The following NRXN1 variants were observed in gnomAD, a reference collection of about 807,000 sequenced individuals.
NRXN1 encodes the protein neurexin-1.
In NRXN1, 39 loss-of-function variants were observed where a neutral mutation model predicts 150.9. The ratio of observed to expected loss-of-function variants is 0.26; its 90% confidence interval spans 0.20 to 0.34. The LOEUF (loss-of-function observed/expected upper bound fraction) is 0.34. Ranked by LOEUF, NRXN1 falls within the 10% of genes least tolerant of loss-of-function variation. The pLI, the probability that NRXN1 is intolerant of heterozygous loss-of-function variation, is 1.00. For missense variants in NRXN1, 1,815 were observed against 1,949.9 expected, an observed-to-expected ratio of 0.93 and a Z score of 1.30; for synonymous variants, 924 against 757.0, an observed-to-expected ratio of 1.22 and a Z score of -3.62.
rs543545401 is a variant in NRXN1, at chr2:50,862,251, G to C, written c.832+59618C>G. ...GCTAGTATAGTAGGAATCAGTTGCA[G>C]AGTCAGGGAAGCTAAGCTTTGCAAG... On this transcript the variant is annotated intron_variant, in intron 5 of 22. Coordinates refer to ENST00000401669, the MANE Select transcript of NRXN1 (RefSeq NM_001330078.2). 2.6e-4 allele frequency among the ~76,000 whole-genome samples: 39 copies of C among 151,580 alleles called. No homozygotes were observed. The South Asian group carries it at 4.4e-3, about 17-fold the overall frequency.
chr2:50,442,495 GAGA>G (rs1410408397), intron 17 of NRXN1, among the ~76,000 whole-genome samples: 1 of 152,094 alleles, frequency 6.6e-6, no homozygotes, highest in Admixed American at 6.6e-5. Context: ...TCTAAAAAGG[GAGA>G]AGATGAAGGA....
At chr2:50,345,660 T>C (rs188996233) in intron 17 of NRXN1, among the ~76,000 whole-genome samples, 4 of 152,318 alleles carry the variant, frequency 2.6e-5, no homozygotes, top group Admixed American at 2.0e-4. Flanking sequence ...ATCTGAAAAT[T>C]AGAGGAATCT....
At chr2:50,681,786 G>T (rs1465750716) in intron 5 of NRXN1, among the ~76,000 whole-genome samples, 1 of 152,158 alleles carries the variant, frequency 6.6e-6, no homozygotes, top group East Asian at 1.9e-4. Context: ...AAAGCAAGTG[G>T]TTTGATGTTA....
chr2:50,272,303 G>A (rs1346961464), intron 17 of NRXN1, among the ~76,000 whole-genome samples: 1 of 152,184 alleles, frequency 6.6e-6, no homozygotes, highest in Non-Finnish European at 1.5e-5. Context: ...TCTGCAAGTG[G>A]AGACAGCCAC....
At chr2:50,999,822 A>G (rs1184271317) in intron 2 of NRXN1, among the ~76,000 whole-genome samples, 2 of 151,858 alleles carry the variant, frequency 1.3e-5, no homozygotes, top group Non-Finnish European at 2.9e-5. Flanking sequence ...CAGTTTTCCC[A>G]TTTCCTCCAC....
intron 8 of NRXN1, among the ~76,000 whole-genome samples, chr2:50,570,414 GAATT>G (rs1670494999): frequency 2.6e-5 from 4 of 152,130 alleles, no homozygotes; most frequent in Admixed American, 2.6e-4. Context: ...ATCTCATTTA[GAATT>G]AATTTCTTAT....
At chr2:50,283,199 C>T (rs545975888) in intron 17 of NRXN1, among the ~76,000 whole-genome samples, 17 of 152,154 alleles carry the variant, frequency 1.1e-4, no homozygotes, top group African/African-American at 3.6e-4. Context: ...TTCTGTAAAC[C>T]TTAGAAGTAT....
chr2:50,218,490 C>CTTTT (rs34919769), intron 18 of NRXN1, among the ~76,000 whole-genome samples: 1 of 136,758 alleles, frequency 7.3e-6, no homozygotes. Flanking sequence ...TTAGCACCTT[C>CTTTT]TTTTTTTTTT....
intron 5 of NRXN1, among the ~76,000 whole-genome samples, chr2:50,669,250 T>C (rs1688496444): frequency 6.6e-6 from 1 of 151,920 alleles, no homozygotes; most frequent in Non-Finnish European, 1.5e-5. Flanking sequence ...GAGCTCAGTT[T>C]ATTAAGTGAG....
intron 2 of NRXN1, among the ~76,000 whole-genome samples, chr2:50,981,779 T>C (rs1487039585): frequency 6.6e-6 from 1 of 151,934 alleles, no homozygotes; most frequent in Non-Finnish European, 1.5e-5. Flanking sequence ...GTGACAGGCA[T>C]TTTTGTAAGC....
chr2:50,112,386 A>T (rs1312041638), intron 18 of NRXN1, among the ~76,000 whole-genome samples: 1 of 152,198 alleles, frequency 6.6e-6, no homozygotes, highest in African/African-American at 2.4e-5. Context: ...CTGTCATTAC[A>T]CCATCTTACT....
Position 50,232,368 on chromosome 2 carries a change from TTTTTCTTTC to T in NRXN1, c.3546+4412_3546+4420del, listed in dbSNP as rs1273178300. 1.5e-3 allele frequency among the ~76,000 whole-genome samples: 220 copies of T among 148,356 alleles called. 1 individual carries two copies. The highest frequency in any genetic ancestry group is 5.3e-3 in the African/African-American group (212 of 39,932). On this transcript the variant is annotated intron_variant, in intron 18 of 22. Transcript: ENST00000401669. Reference sequence around the variant, plus strand: ...GATGAAAAGTCACATTACTGTATTATTTTTCTTTCTTTTCTTTTCTTTTTTTTTTTTTTT... The same window carrying T: ...GATGAAAAGTCACATTACTGTATTATTTTTCTTTTCTTTTTTTTTTTTTTT...
intron 5 of NRXN1, among the ~76,000 whole-genome samples, chr2:50,710,202 C>T (rs1030509128): frequency 4.6e-5 from 7 of 152,260 alleles, no homozygotes; most frequent in Admixed American, 2.0e-4. Context: ...GTCGACCACA[C>T]GCCAGGAAAG....
intron 5 of NRXN1, among the ~76,000 whole-genome samples, chr2:50,746,353 T>G: frequency 6.6e-6 from 1 of 150,820 alleles, no homozygotes. Flanking sequence ...AGGTCAGGAG[T>G]TTGAGACCAG....
At chr2:50,012,288 T>A (rs974434336) in intron 21 of NRXN1, among the ~76,000 whole-genome samples, 4 of 152,146 alleles carry the variant, frequency 2.6e-5, no homozygotes, top group African/African-American at 9.6e-5. Context: ...CTTGAGATAA[T>A]ACTATTATAA....
At chr2:50,892,085 T>G (rs1236934340) in intron 5 of NRXN1, among the ~76,000 whole-genome samples, 1 of 152,104 alleles carries the variant, frequency 6.6e-6, no homozygotes, top group East Asian at 1.9e-4. Context: ...AGAGGATAGT[T>G]CTGAAGCCTT....
intron 2 of NRXN1, among the ~76,000 whole-genome samples, chr2:50,983,877 T>C (rs1260154450): frequency 1.3e-5 from 2 of 152,092 alleles, no homozygotes; most frequent in African/African-American, 2.4e-5. Flanking sequence ...ATTCTGTACA[T>C]AGTAGAGTGG....
intron 5 of NRXN1, among the ~76,000 whole-genome samples, chr2:50,815,856 T>C (rs1668854692): frequency 6.6e-6 from 1 of 152,144 alleles, no homozygotes; most frequent in Admixed American, 6.6e-5. Context: ...GTGCCCATCT[T>C]CCTACAAGTT....
intron 17 of NRXN1, among the ~76,000 whole-genome samples, chr2:50,302,197 A>AT (rs986568467): frequency 9.2e-5 from 14 of 152,178 alleles, no homozygotes; most frequent in African/African-American, 3.4e-4. Context: ...TCTCTTTGAG[A>AT]TTTTTTTCTT....
Sources: gnomAD v4.1 joint callset for allele counts (sites outside exome capture counted in the v4.1 genomes callset) on GRCh38, gnomAD v4.1.1 for gene constraint, MANE v1.5 for transcripts, NCBI Gene and HGNC (gene_info 2026-07-23, HGNC 2026-07-21) for gene names.